The following OSBPL8 variants were observed in gnomAD, a reference collection of about 807,000 sequenced individuals.
The protein encoded by OSBPL8 is oxysterol-binding protein-related protein 8.
Under a neutral mutation model 125.5 loss-of-function variants are expected in OSBPL8, and 59 were observed. The ratio of observed to expected loss-of-function variants is 0.47; its 90% CI spans 0.38 to 0.58. The LOEUF (loss-of-function observed/expected upper bound fraction) is 0.58, where lower values mean the gene tolerates loss of function less well. Ranked by LOEUF, OSBPL8 falls within the 20% of genes least tolerant of loss-of-function variation. The pLI is 0.00. For missense variants in OSBPL8, 758 were observed against 1,047.8 expected (o/e 0.72, Z 3.82); for synonymous variants, 330 against 338.9 (o/e 0.97, Z 0.29).
rs1386210119 is a variant in OSBPL8 at position 76,389,652 on chromosome 12, G to C, written c.1345C>G (p.Leu449Val). 3.8e-6 allele frequency: 6 copies of C among 1,563,728 alleles called. No homozygotes were observed. Among genetic ancestry groups the C allele is most frequent in the Non-Finnish European group, 4.3e-6 (5 of 1,155,180 alleles). ...AAATAAGAATCTACTTACTCAGATA[G>C]GAAATCTGCATGATAGTAGTAATCT... ...LSDYYYHADF[L>V]SEAALEENPY... Residue 449 changes from leucine to valine, a missense_variant, in exon 12 of 24, where the codon CTA becomes GTA. Coordinates refer to ENST00000261183, the MANE Select transcript of OSBPL8 (RefSeq NM_020841.5).
intron 4 of OSBPL8, among the ~76,000 whole-genome samples, chr12:76,436,698 T>C (rs996691694): frequency 6.6e-6 from 1 of 152,090 alleles, no homozygotes; most frequent in African/African-American, 2.4e-5. Context: ...GTTACAGAAC[T>C]AGGAAAACAC....
chr12:76,375,758 T>G (rs993839913), intron 16 of OSBPL8, among the ~76,000 whole-genome samples: 5 of 144,818 alleles, frequency 3.5e-5, no homozygotes, highest in Non-Finnish European at 7.6e-5. Context: ...AAAAAAAAAG[T>G]GTCCTTTTTG....
At chr12:76,484,179 T>C (rs1406878826) in intron 2 of OSBPL8, among the ~76,000 whole-genome samples, 2 of 152,162 alleles carry the variant, frequency 1.3e-5, no homozygotes, top group African/African-American at 2.4e-5. Context: ...CTTCCTTCCA[T>C]CCTGCCTTAA....
At chr12:76,356,793 T>A in intron 22 of OSBPL8, 65 bp from the exon 23 acceptor site, 1 of 1,122,060 alleles carries the variant, frequency 8.9e-7, no homozygotes, top group Non-Finnish European at 1.3e-6. Context: ...TTAATGTGTC[T>A]CATGTAATAA....
chr12:76,470,569 G>T (rs1876017622), intron 2 of OSBPL8, among the ~76,000 whole-genome samples: 2 of 152,274 alleles, frequency 1.3e-5, no homozygotes, highest in Admixed American at 1.3e-4. Context: ...ATAGAGATAT[G>T]TGAGCCTACA....
intron 1 of OSBPL8, among the ~76,000 whole-genome samples, chr12:76,555,794 A>G (rs1951077084): frequency 6.6e-6 from 1 of 152,224 alleles, no homozygotes; most frequent in African/African-American, 2.4e-5. Flanking sequence ...AAGTACTGTC[A>G]ATCTCTGCTG....
intron 16 of OSBPL8, among the ~76,000 whole-genome samples, chr12:76,376,285 C>T (rs567259780): frequency 1.3e-5 from 2 of 152,340 alleles, no homozygotes; most frequent in African/African-American, 4.8e-5. Context: ...GTGTGTGTAT[C>T]TGCTGTTGGT....
chr12:76,369,894 C>T (rs1160102652), intron 19 of OSBPL8, 72 bp from the exon 20 acceptor site: 27 of 1,358,080 alleles, frequency 2.0e-5, no homozygotes, highest in Non-Finnish European at 2.4e-5. Flanking sequence ...GAATAGGCCT[C>T]AAATCCCTTG....
intron 1 of OSBPL8, among the ~76,000 whole-genome samples, chr12:76,547,768 C>A (rs975277723): frequency 2.6e-5 from 4 of 152,148 alleles, no homozygotes; most frequent in Non-Finnish European, 5.9e-5. Flanking sequence ...GGAGCAAAGT[C>A]ACTATTTTAC....
chr12:76,464,411 TAA>T (rs1030332347), intron 2 of OSBPL8, among the ~76,000 whole-genome samples: 55 of 152,314 alleles, frequency 3.6e-4, no homozygotes, highest in Middle Eastern at 3.4e-3. Context: ...ATATCAGTAA[TAA>T]AAGTTTCAGA....
At chr12:76,406,007 T>TA (rs1343267858) in intron 5 of OSBPL8, among the ~76,000 whole-genome samples, 1 of 152,204 alleles carries the variant, frequency 6.6e-6, no homozygotes, top group Non-Finnish European at 1.5e-5. Flanking sequence ...CTGTCAGTCT[T>TA]AGTTTCTTCA....
At chr12:76,374,936 G>C (rs1952754222) in intron 17 of OSBPL8, among the ~76,000 whole-genome samples, 1 of 152,046 alleles carries the variant, frequency 6.6e-6, no homozygotes, top group South Asian at 2.1e-4. Context: ...ATATCTTCTG[G>C]TATTTGGTAA....
chr12:76,391,989 C>T (rs1203106331), intron 10 of OSBPL8, among the ~76,000 whole-genome samples: 1 of 152,102 alleles, frequency 6.6e-6, no homozygotes, highest in African/African-American at 2.4e-5. Context: ...ACAAAAAGAC[C>T]TGAATCTCAA....
At chr12:76,474,380 A>C (rs979282580) in intron 2 of OSBPL8, among the ~76,000 whole-genome samples, 7 of 152,160 alleles carry the variant, frequency 4.6e-5, no homozygotes, top group African/African-American at 1.7e-4. Context: ...GAGCAAGAGC[A>C]AGCTTGGGAT....
chr12:76,475,389 A>T (rs1289349223), intron 2 of OSBPL8, among the ~76,000 whole-genome samples: 1 of 152,260 alleles, frequency 6.6e-6, no homozygotes, highest in African/African-American at 2.4e-5. Flanking sequence ...AGTCTAGATT[A>T]GCAAAACAAA....
chr12:76,551,186 C>T (rs749714044), intron 1 of OSBPL8, among the ~76,000 whole-genome samples: 6 of 152,162 alleles, frequency 3.9e-5, no homozygotes, highest in Non-Finnish European at 7.4e-5. Context: ...AACTGCTCCC[C>T]ATGAACCTTA....
At chr12:76,548,690 G>A (rs1036841494) in intron 1 of OSBPL8, among the ~76,000 whole-genome samples, 1 of 152,002 alleles carries the variant, frequency 6.6e-6, no homozygotes, top group African/African-American at 2.4e-5. Context: ...TCTGCCAAGA[G>A]ACAGATCCTA....
At chr12:76,382,327 T>C (rs188194127) in intron 15 of OSBPL8, among the ~76,000 whole-genome samples, 3 of 152,302 alleles carry the variant, frequency 2.0e-5, no homozygotes, top group Non-Finnish European at 2.9e-5. Context: ...TTTTTACCTA[T>C]ACTTTTTGGT....
intron 1 of OSBPL8, among the ~76,000 whole-genome samples, chr12:76,553,479 C>T (rs375397655): frequency 1.4e-5 from 2 of 138,112 alleles, no homozygotes; most frequent in South Asian, 2.3e-4. Flanking sequence ...AGCTGGGCAA[C>T]ATAGTGAGAC....
Sources: gnomAD v4.1 joint callset for allele counts (sites outside exome capture counted in the v4.1 genomes callset) on GRCh38, gnomAD v4.1.1 for gene constraint, MANE v1.5 for transcripts, NCBI Gene and HGNC (gene_info 2026-07-23, HGNC 2026-07-21) for gene names.